The following TRDN variants were observed in gnomAD, a reference collection of about 807,000 sequenced individuals.
TRDN encodes the protein triadin in skeletal muscle.
A neutral mutation model predicts 149.7 loss-of-function variants in TRDN; 161 were observed. The ratio of observed to expected loss-of-function variants is 1.08; its 90% CI spans 0.95 to 1.23. The LOEUF (loss-of-function observed/expected upper bound fraction) is 1.23. TRDN is among the 50% of genes most tolerant of loss of function. The pLI is 0.00. For missense variants in TRDN, 896 were observed against 823.5 expected, an observed-to-expected ratio of 1.09 and a Z score of -1.08; for synonymous variants, 294 against 250.5, an observed-to-expected ratio of 1.17 and a Z score of -1.64.
At chr6:123,595,234 G>T (rs930493667) in intron 1 of TRDN, among the ~76,000 whole-genome samples, 1 of 151,984 alleles carries the variant, frequency 6.6e-6, no homozygotes, top group Non-Finnish European at 1.5e-5. Flanking sequence ...TTGTTCATTT[G>T]TACTTCTCAT....
At chr6:123,333,883 T>C (rs539631102) in intron 22 of TRDN, among the ~76,000 whole-genome samples, 1 of 152,210 alleles carries the variant, frequency 6.6e-6, no homozygotes, top group South Asian at 2.1e-4. Flanking sequence ...TTTATGGTTC[T>C]TGATTATCAG....
In TRDN at chr6:123,545,974, G is replaced by T. The variant is rs151296866; in HGVS notation, c.424+1366C>A. Reference sequence around the variant, plus strand: ...CTTTATAATAGTCTTATGGAATTCAGTTTATAAGTATAAATGAGCAAACAT... The same window carrying T: ...CTTTATAATAGTCTTATGGAATTCATTTTATAAGTATAAATGAGCAAACAT... On this transcript the variant is annotated intron_variant, in intron 4 of 40. Coordinates refer to ENST00000334268, the MANE Select transcript of TRDN (RefSeq NM_006073.4). 1.8e-3 allele frequency among the ~76,000 whole-genome samples: 274 copies of T among 152,202 alleles called. 1 individual carries two copies. Among genetic ancestry groups the T allele is most frequent in the African/African-American group, 6.0e-3 (251 of 41,540 alleles).
intron 9 of TRDN, among the ~76,000 whole-genome samples, chr6:123,473,769 A>G (rs979806831): frequency 2.0e-4 from 30 of 152,052 alleles, no homozygotes; most frequent in African/African-American, 6.8e-4. Context: ...TACAAGCCAG[A>G]AGAGAGTAGG....
chr6:123,623,456 TA>T (rs1785497219), intron 1 of TRDN, among the ~76,000 whole-genome samples: 1 of 152,052 alleles, frequency 6.6e-6, no homozygotes, highest in African/African-American at 2.4e-5. Context: ...TGGGGGTGTT[TA>T]TGGAGTCAAA....
rs1024801203 is a variant in TRDN, at chr6:123,331,941, C to T, written c.1421-12G>A. On this transcript the variant is annotated splice_polypyrimidine_tract_variant and intron_variant, in intron 22 of 40. Coordinates refer to ENST00000334268, the MANE Select transcript of TRDN (RefSeq NM_006073.4). ...CCCTTTAATAGGTTCTGAAAAGAAA[C>T]ATCGGACATTTATTTGAAGCCAAGA... 6.5e-7 allele frequency: 1 copy of T among 1,529,964 alleles called. No individual in the cohort carries two copies. The highest frequency in any genetic ancestry group is 8.8e-7 in the Non-Finnish European group (1 of 1,136,880). The allele number at this position is 1,529,964 out of a possible 1,614,324, so 94.8% of individuals were successfully genotyped here.
chr6:123,548,633 A>T (rs914407270), intron 2 of TRDN, 21 bp from the exon 3 acceptor site: 1 of 1,349,790 alleles, frequency 7.4e-7, no homozygotes, highest in African/African-American at 1.5e-5. Context: ...TTAAAAAAAA[A>T]AAAAAAGAAA....
At chr6:123,437,693 G>A (rs75440226) in intron 12 of TRDN, among the ~76,000 whole-genome samples, 329 of 152,046 alleles carry the variant, frequency 2.2e-3, no homozygotes, top group African/African-American at 7.5e-3. Flanking sequence ...TGGACTCCTC[G>A]CTCCACATTG....
At chr6:123,606,618 G>T (rs985814742) in intron 1 of TRDN, among the ~76,000 whole-genome samples, 2 of 151,854 alleles carry the variant, frequency 1.3e-5, no homozygotes, top group African/African-American at 4.8e-5. Context: ...AGAAACAGAG[G>T]TTCACTGATT....
intron 24 of TRDN, among the ~76,000 whole-genome samples, chr6:123,310,002 T>C (rs1436092837): frequency 6.6e-6 from 1 of 152,044 alleles, no homozygotes; most frequent in Non-Finnish European, 1.5e-5. Context: ...ATAGTACATA[T>C]GGTACTACTG....
At chr6:123,575,130 C>T (rs1207657791) in intron 1 of TRDN, among the ~76,000 whole-genome samples, 1 of 151,542 alleles carries the variant, frequency 6.6e-6, no homozygotes, top group Middle Eastern at 3.2e-3. Flanking sequence ...TTCACACCCT[C>T]AAAATTTCCA....
At chr6:123,590,131 C>T (rs904736273) in intron 1 of TRDN, among the ~76,000 whole-genome samples, 14 of 152,080 alleles carry the variant, frequency 9.2e-5, no homozygotes, top group African/African-American at 3.1e-4. Flanking sequence ...CATTAGGAAC[C>T]AGGTCACACA....
intron 23 of TRDN, among the ~76,000 whole-genome samples, chr6:123,319,860 G>A (rs1779177345): frequency 1.3e-5 from 2 of 151,978 alleles, no homozygotes; most frequent in Admixed American, 1.3e-4. Flanking sequence ...GTAAATTGCT[G>A]ATGGGCCTGG....
chr6:123,351,681 T>A (rs145650765), intron 21 of TRDN: 1 of 942,104 alleles, frequency 1.1e-6, no homozygotes. Flanking sequence ...TGTCAAAAGA[T>A]CTTAACTTCT....
At chr6:123,531,132 A>C (rs1583197949) in intron 4 of TRDN, among the ~76,000 whole-genome samples, 1 of 151,980 alleles carries the variant, frequency 6.6e-6, no homozygotes, top group African/African-American at 2.4e-5. Flanking sequence ...TCTAAACATC[A>C]GGTTTTAGCA....
chr6:123,608,715 T>C (rs1336722393), intron 1 of TRDN, among the ~76,000 whole-genome samples: 4 of 152,204 alleles, frequency 2.6e-5, no homozygotes, highest in Non-Finnish European at 5.9e-5. Flanking sequence ...ATTAACATAT[T>C]GAATATGGTT....
At chr6:123,594,123 A>G (rs1294612795) in intron 1 of TRDN, among the ~76,000 whole-genome samples, 1 of 152,180 alleles carries the variant, frequency 6.6e-6, no homozygotes, top group Non-Finnish European at 1.5e-5. Context: ...TCAGTGAGGC[A>G]TATGCCATCA....
At chr6:123,574,857 C>CATAT (rs1162190609) in intron 1 of TRDN, among the ~76,000 whole-genome samples, 6,354 of 49,382 alleles carry the variant, frequency 0.13, 223 homozygotes, top group East Asian at 0.17. Flanking sequence ...TTTATATATA[C>CATAT]ATATATATAT....
chr6:123,233,104 C>T (rs574758993), intron 38 of TRDN, among the ~76,000 whole-genome samples: 1 of 152,138 alleles, frequency 6.6e-6, no homozygotes, highest in South Asian at 2.1e-4. Context: ...GCAGAGATAC[C>T]CAAAGCTCCA....
intron 22 of TRDN, among the ~76,000 whole-genome samples, chr6:123,337,379 C>G (rs1210315738): frequency 6.6e-6 from 1 of 151,730 alleles, no homozygotes; most frequent in Non-Finnish European, 1.5e-5. Flanking sequence ...AACCTTTTTT[C>G]ATTTTTCTTT....
Sources: allele counts gnomAD v4.1 joint callset (sites outside exome capture counted in the v4.1 genomes callset), GRCh38; gene constraint gnomAD v4.1.1; transcripts MANE v1.5; gene names NCBI Gene and HGNC (gene_info 2026-07-23, HGNC 2026-07-21).